IQGAP3: variants seen among roughly 807,000 people sequenced by gnomAD.
The protein encoded by IQGAP3 is IQ motif containing GTPase activating protein 3.
Under a neutral mutation model 208.2 loss-of-function variants are expected in IQGAP3, and 165 were observed. The ratio of observed to expected loss-of-function variants is 0.79; its 90% CI spans 0.70 to 0.90. IQGAP3 has a LOEUF of 0.90. IQGAP3 is among the 40% of genes least tolerant of loss of function. The probability of loss-of-function intolerance (pLI) is 0.00; values close to 1 mark genes in which losing one functional copy is unlikely to be tolerated. For missense variants in IQGAP3, 1,811 were observed against 2,043.1 expected (o/e 0.89, Z 2.19); for synonymous variants, 703 against 803.6 (o/e 0.87, Z 2.12).
intron 19 of IQGAP3, 29 bp downstream of exon 19, chr1:156,548,044 T>G (rs375473943): frequency 1.4e-4 from 217 of 1,603,346 alleles, no homozygotes; most frequent in Non-Finnish European, 1.6e-4. Context: ...GCCCAGGCCC[T>G]GAAGACTGAG....
Position 156,564,703 on chromosome 1 carries a change from A to G in IQGAP3, c.361-12T>C. 6.2e-7 allele frequency: 1 copy of G among 1,606,322 alleles called. No homozygotes were observed. Among genetic ancestry groups the G allele is most frequent in the South Asian group, 1.1e-5 (1 of 90,908 alleles). The stretch of plus-strand genomic sequence containing the variant: ...TCTGGGAAGAAGGTCTAGAGGAGAA[A>G]CCAGCCAGTTACTGCCATTGGGAAC... On this transcript the variant is annotated splice_polypyrimidine_tract_variant and intron_variant, in intron 4 of 37. Transcript: ENST00000361170.
intron 29 of IQGAP3, 74 bp downstream of exon 29, chr1:156,534,427 T>G (rs1413695402): frequency 1.7e-6 from 2 of 1,170,672 alleles, no homozygotes; most frequent in Non-Finnish European, 2.4e-6. Flanking sequence ...CCTCATGGAT[T>G]CTGGAGGGGA....
intron 35 of IQGAP3, 137 bp downstream of exon 35, chr1:156,528,779 A>C (rs1173513137): frequency 2.6e-6 from 3 of 1,155,900 alleles, no homozygotes; most frequent in Non-Finnish European, 3.7e-6. Flanking sequence ...TGAGGCTCAA[A>C]GACCAGACTT....
intron 4 of IQGAP3, among the ~76,000 whole-genome samples, chr1:156,564,925 G>A (rs1255466919): frequency 6.6e-6 from 1 of 152,160 alleles, no homozygotes; most frequent in African/African-American, 2.4e-5. Flanking sequence ...GTCCTAGGGT[G>A]CCCTGGATTA....
In IQGAP3 at chr1:156,531,147, C is replaced by T; in HGVS notation, c.4191+13G>A. 6.3e-7 allele frequency: 1 copy of T among 1,597,664 alleles called. No homozygotes were observed. The highest frequency in any genetic ancestry group is 8.6e-7 in the Non-Finnish European group (1 of 1,165,158). ...GAATGAGACAGAACCTGTGGGCCAG[C>T]CCGGCTACTCACTTGCTCTCTGGAA... On this transcript the variant is annotated intron_variant, in intron 33 of 37. Coordinates refer to ENST00000361170, the MANE Select transcript of IQGAP3 (RefSeq NM_178229.5).
In IQGAP3 at chr1:156,535,019, G is replaced by C. The variant is rs552559086; in HGVS notation, c.3507+144C>G. 2.7e-5 allele frequency: 20 copies of C among 733,178 alleles called. No homozygotes were observed. In the African/African-American group the frequency reaches 3.2e-4, roughly 12 times the overall value. 45.4% of individuals were successfully genotyped at this position (733,178 alleles called of 1,614,324 possible). On this transcript the variant is annotated intron_variant, in intron 28 of 37. Coordinates refer to ENST00000361170, the MANE Select transcript of IQGAP3 (RefSeq NM_178229.5). ...ACCTGAAGCCCTGCGGGTGAGCCAG[G>C]CTCCATTTATAGGGGGCAGCATATT... is the stretch of plus-strand genomic sequence containing the variant.
At chr1:156,567,955 T>A (rs973644599) in intron 2 of IQGAP3, among the ~76,000 whole-genome samples, 1 of 152,214 alleles carries the variant, frequency 6.6e-6, no homozygotes, top group Non-Finnish European at 1.5e-5. Flanking sequence ...AGGCATTAGA[T>A]GAAAGTTAAT....
At chr1:156,569,933 T>C (rs1176275366) in intron 1 of IQGAP3, among the ~76,000 whole-genome samples, 1 of 152,192 alleles carries the variant, frequency 6.6e-6, no homozygotes, top group Non-Finnish European at 1.5e-5. Flanking sequence ...AGCCTCCTCC[T>C]GTGCTGGAGG....
Position 156,528,434 on chromosome 1 carries a change from G to C in IQGAP3, c.4673+75C>G, listed in dbSNP as rs1017909813. 7 of 1,052,386 alleles carry C rather than the reference G, an allele frequency of 6.7e-6. No homozygotes were observed. The Admixed American group carries it at 1.0e-4, about 15-fold the overall frequency. The allele number at this position is 1,052,386 out of a possible 1,614,324, so 65.2% of individuals were successfully genotyped here. A position where few individuals can be genotyped will look rare whatever the true frequency, so the allele number is the denominator to read the frequency against. ...GACCATGCTTCTTCTCTTCCACCCGGTGCCCAGCCCAGAGCTCCACCCCCA... is the reference window on the plus strand; with the variant it reads ...GACCATGCTTCTTCTCTTCCACCCGCTGCCCAGCCCAGAGCTCCACCCCCA... On this transcript the variant is annotated intron_variant, in intron 36 of 37. Coordinates refer to ENST00000361170, the MANE Select transcript of IQGAP3 (RefSeq NM_178229.5).
At chr1:156,570,461 G>A (rs927484506) in intron 1 of IQGAP3, among the ~76,000 whole-genome samples, 1 of 152,144 alleles carries the variant, frequency 6.6e-6, no homozygotes, top group Non-Finnish European at 1.5e-5. Flanking sequence ...AGGAGGTCTA[G>A]GCTGCGGTTA....
At chr1:156,565,617 A>G (rs1432480487) in intron 4 of IQGAP3, among the ~76,000 whole-genome samples, 1 of 152,200 alleles carries the variant, frequency 6.6e-6, no homozygotes, top group Admixed American at 6.5e-5. Flanking sequence ...TAACAAATTG[A>G]GGTTCAAAGA....
chr1:156,563,387 C>G (rs1676253835), intron 7 of IQGAP3, 75 bp from the exon 8 acceptor site: 1 of 1,468,942 alleles, frequency 6.8e-7, no homozygotes. Context: ...TAGCAGCCCA[C>G]TCTAATGTCA....
chr1:156,566,873 T>G (rs1489695055), intron 2 of IQGAP3, among the ~76,000 whole-genome samples: 1 of 151,590 alleles, frequency 6.6e-6, no homozygotes, highest in African/African-American at 2.4e-5. Flanking sequence ...TTTTTTTTTT[T>G]TTTTTTTTTT....
Position 156,534,580 on chromosome 1 carries a change from C to G in IQGAP3, c.3661G>C (p.Ala1221Pro), listed in dbSNP as rs115501756. The G allele has an allele frequency of 2.1e-4, 336 of 1,612,220 alleles. 1 individual carries two copies. In the African/African-American group the frequency reaches 4.1e-3, roughly 19 times the overall value. ...AVAQLLQHAA[A>P]GKAFSGQSQH... Reference sequence around the variant, plus strand: ...CTCTGCCCAGAGAAGGCCTTGCCAGCCGCAGCGTGCTGTAGGAGCTGAGCC... The same window carrying G: ...CTCTGCCCAGAGAAGGCCTTGCCAGGCGCAGCGTGCTGTAGGAGCTGAGCC... The change falls in exon 29 of 38, where the codon GCT becomes CCT. Residue 1221 changes from alanine to proline, a missense_variant. Ala to Pro is a conservative substitution (Grantham distance 27, BLOSUM62 -1). Transcript: ENST00000361170.
At chr1:156,534,210 T>C in intron 29 of IQGAP3, 69 bp from the exon 30 acceptor site, 1 of 1,601,044 alleles carries the variant, frequency 6.2e-7, no homozygotes, top group East Asian at 2.2e-5. Flanking sequence ...GTCCCCATCA[T>C]TTCCCCAGCC....
intron 11 of IQGAP3, among the ~76,000 whole-genome samples, chr1:156,557,612 G>T (rs1376574410): frequency 1.1e-4 from 3 of 28,338 alleles, no homozygotes; most frequent in African/African-American, 1.6e-4. Context: ...GGAGGGAGGT[G>T]GGGGGGTCAG....
At chr1:156,569,491 T>A in intron 1 of IQGAP3, 28 bp from the exon 2 acceptor site, 1 of 1,366,670 alleles carries the variant, frequency 7.3e-7, no homozygotes, top group African/African-American at 1.4e-5. Flanking sequence ...ATAAGGTCAA[T>A]GAAGAGAGCA....
chr1:156,557,353 C>T (rs1257366875), intron 11 of IQGAP3, among the ~76,000 whole-genome samples: 1 of 14,030 alleles, frequency 7.1e-5, no homozygotes, highest in Admixed American at 1.1e-3. Context: ...GGTCAGCCCC[C>T]CACCCGGCCA....
chr1:156,539,984 C>T lies in IQGAP3; in HGVS notation c.2746G>A (p.Val916Ile). Residue 916 changes from valine (V) to isoleucine (I), a missense_variant, in exon 24 of 38, where the codon GTC (valine) becomes ATC (isoleucine). By Grantham distance (29) the Val-to-Ile change is conservative. Coordinates refer to ENST00000361170, the MANE Select transcript of IQGAP3 (RefSeq NM_178229.5). The stretch of plus-strand genomic sequence containing the variant: ...TTGGTCAGCTTCTTGCAGTGGGAGA[C>T]CACTTCCTGCAGGGGTGGAGGAGCG... ...VKNRITLQEV[V>I]SHCKKLTKRN... The T allele has an allele frequency of 6.2e-7, 1 of 1,614,080 alleles. No individual in the cohort carries two copies. Among genetic ancestry groups the T allele is most frequent in the Non-Finnish European group, 8.5e-7 (1 of 1,180,006 alleles).
Sources: allele counts gnomAD v4.1 joint callset (sites outside exome capture counted in the v4.1 genomes callset), GRCh38; gene constraint gnomAD v4.1.1; transcripts MANE v1.5; gene names NCBI Gene and HGNC (gene_info 2026-07-23, HGNC 2026-07-21).